SBF2: variants seen among roughly 807,000 people sequenced by gnomAD.
SBF2 encodes SET binding factor 2, also known as myotubularin-related protein 13.
A neutral mutation model predicts 225.2 loss-of-function variants in SBF2; 112 were observed. The ratio of observed to expected loss-of-function variants is 0.50; its 90% CI spans 0.43 to 0.58. The LOEUF (loss-of-function observed/expected upper bound fraction) is 0.58, where lower values mean the gene tolerates loss of function less well. SBF2 is among the 20% of genes least tolerant of loss of function. The probability of loss-of-function intolerance (pLI) is 0.00; values close to 1 mark genes in which losing one functional copy is unlikely to be tolerated. For synonymous variants in SBF2, 763 were observed against 773.3 expected (o/e 0.99, Z 0.22); for missense variants, 1,996 against 2,206.2 (o/e 0.90, Z 1.91).
At chr11:10,047,386 G>C (rs1404581064) in intron 2 of SBF2, among the ~76,000 whole-genome samples, 1 of 152,136 alleles carries the variant, frequency 6.6e-6, no homozygotes, top group Non-Finnish European at 1.5e-5. Context: ...AGCTATAGTA[G>C]ACAAGACAGT....
intron 1 of SBF2, among the ~76,000 whole-genome samples, chr11:10,210,741 G>A (rs946344252): frequency 1.3e-5 from 2 of 151,056 alleles, no homozygotes; most frequent in African/African-American, 2.4e-5. Flanking sequence ...GGCCAGGCGC[G>A]GTGGCTCACA....
chr11:10,166,501 GATA>G (rs1436622659), intron 2 of SBF2, among the ~76,000 whole-genome samples: 2 of 151,794 alleles, frequency 1.3e-5, no homozygotes, highest in African/African-American at 4.8e-5. Flanking sequence ...AATCTTAAAG[GATA>G]AATTAATCTT....
At chr11:9,932,561 C>T (rs886508767) in intron 16 of SBF2, among the ~76,000 whole-genome samples, 1 of 152,114 alleles carries the variant, frequency 6.6e-6, no homozygotes, top group Non-Finnish European at 1.5e-5. Flanking sequence ...AAATAAAATC[C>T]TTTACAGACA....
intron 3 of SBF2, among the ~76,000 whole-genome samples, chr11:10,031,878 A>G (rs55955707): frequency 0.053 from 8,110 of 152,186 alleles, 298 homozygotes; most frequent in Middle Eastern, 0.16. Context: ...AAGTGGTTGG[A>G]ATCATAGGCA....
At chr11:9,911,367 G>C (rs1160430941) in intron 16 of SBF2, among the ~76,000 whole-genome samples, 2 of 146,058 alleles carry the variant, frequency 1.4e-5, no homozygotes, top group Admixed American at 1.4e-4. Flanking sequence ...CTAGGTGACA[G>C]AGCGAGACTC....
intron 26 of SBF2, chr11:9,839,143 T>A (rs1855927412): frequency 3.1e-6 from 1 of 317,884 alleles, no homozygotes; most frequent in Non-Finnish European, 6.1e-6. Flanking sequence ...ATAGAAAGAG[T>A]TTGTGGCTCC....
At chr11:10,198,913 T>A (rs1957476274) in intron 1 of SBF2, among the ~76,000 whole-genome samples, 1 of 152,206 alleles carries the variant, frequency 6.6e-6, no homozygotes, top group South Asian at 2.1e-4. Context: ...TTAGGCTTTG[T>A]CTTAAGAAAA....
chr11:9,848,042 A>G (rs188419134), intron 22 of SBF2, among the ~76,000 whole-genome samples: 2 of 152,000 alleles, frequency 1.3e-5, no homozygotes, highest in South Asian at 2.1e-4. Flanking sequence ...GTAGAGGAAC[A>G]TAACAGGAGT....
intron 2 of SBF2, among the ~76,000 whole-genome samples, chr11:10,132,618 G>T (rs1189554010): frequency 2.0e-5 from 3 of 149,198 alleles, no homozygotes; most frequent in African/African-American, 7.4e-5. Context: ...GATCTTCACG[G>T]TGAGTGTTAC....
chr11:10,063,764 A>G (rs1478232815), intron 2 of SBF2, among the ~76,000 whole-genome samples: 1 of 151,942 alleles, frequency 6.6e-6, no homozygotes, highest in Non-Finnish European at 1.5e-5. Flanking sequence ...TTCACAACAG[A>G]TTAGATGCTA....
At chr11:9,832,132 T>C in intron 27 of SBF2, 92 bp downstream of exon 27, 1 of 1,129,336 alleles carries the variant, frequency 8.9e-7, no homozygotes, top group Non-Finnish European at 1.3e-6. Context: ...CAAGACTTGA[T>C]GAAAAGGCAC....
At chr11:10,105,596 T>C (rs1952510458) in intron 2 of SBF2, among the ~76,000 whole-genome samples, 1 of 152,148 alleles carries the variant, frequency 6.6e-6, no homozygotes, top group African/African-American at 2.4e-5. Context: ...CTGTGAAAAA[T>C]AAAAGCTCAC....
intron 12 of SBF2, 23 bp downstream of exon 12, chr11:9,992,392 C>T (rs1402990521): frequency 6.3e-7 from 1 of 1,596,966 alleles, no homozygotes; most frequent in Non-Finnish European, 8.6e-7. Context: ...ATAAATAATG[C>T]CTTCATTTAA....
chr11:9,807,790 C>T (rs1564872147), intron 32 of SBF2: 10 of 598,842 alleles, frequency 1.7e-5, no homozygotes, highest in Non-Finnish European at 2.7e-5. Flanking sequence ...AGCCCAACAG[C>T]CAGCTTAGCT....
chr11:9,982,967 C>T (rs909839389), intron 13 of SBF2, among the ~76,000 whole-genome samples: 11 of 152,132 alleles, frequency 7.2e-5, no homozygotes, highest in Non-Finnish European at 1.5e-4. Context: ...CCTGGCACCA[C>T]AGGGATCCCT....
At chr11:10,055,335 T>TA (rs1375640447) in intron 2 of SBF2, among the ~76,000 whole-genome samples, 1 of 152,168 alleles carries the variant, frequency 6.6e-6, no homozygotes, top group Non-Finnish European at 1.5e-5. Flanking sequence ...GAAATTTCTC[T>TA]AAGAACTAAA....
intron 2 of SBF2, among the ~76,000 whole-genome samples, chr11:10,110,250 T>C (rs1175213720): frequency 6.6e-6 from 1 of 152,238 alleles, no homozygotes; most frequent in East Asian, 1.9e-4. Flanking sequence ...TGTTGAATTA[T>C]TACTAAATTA....
Position 9,779,482 on chromosome 11 carries a change from AG to A in SBF2, c.*935del, listed in dbSNP as rs1851889372. 6.6e-6 allele frequency: 1 copy of A among 152,650 alleles called. No homozygotes were observed. The highest frequency in any genetic ancestry group is 2.4e-5 in the African/African-American group (1 of 41,456). 9.5% of individuals were successfully genotyped at this position (152,650 alleles called of 1,614,324 possible). On this transcript the variant is annotated 3_prime_UTR_variant, in exon 40 of 40. Transcript: ENST00000256190. The stretch of plus-strand genomic sequence containing the variant: ...TCTTACTTTTCATGTGTAGAAGTGT[AG>A]TTTGGGTATCCAGTCATGCCACAGT...
intron 2 of SBF2, among the ~76,000 whole-genome samples, chr11:10,165,311 C>T (rs1955904187): frequency 6.6e-6 from 1 of 152,152 alleles, no homozygotes; most frequent in Admixed American, 6.5e-5. Flanking sequence ...AAGCTTGCCA[C>T]AGATATTAAT....
Sources: gnomAD v4.1 joint callset for allele counts (sites outside exome capture counted in the v4.1 genomes callset) on GRCh38, gnomAD v4.1.1 for gene constraint, MANE v1.5 for transcripts, NCBI Gene and HGNC (gene_info 2026-07-23, HGNC 2026-07-21) for gene names.